Variants in QKI observed in about 807,000 individuals in gnomAD.
QKI encodes the protein QKI, KH domain containing RNA binding.
QKI carries 10 observed loss-of-function variants against 39.0 expected under a neutral mutation model. The ratio of observed to expected loss-of-function variants is 0.26; its 90% CI spans 0.16 to 0.43. QKI has a LOEUF of 0.43. Ranked by LOEUF, QKI falls within the 20% of genes least tolerant of loss-of-function variation. QKI has a pLI of 1.00. For synonymous variants in QKI, 204 were observed against 155.4 expected, an observed-to-expected ratio of 1.31 and a Z score of -2.33; for missense variants, 218 against 428.0, an observed-to-expected ratio of 0.51 and a Z score of 4.33.
At chr6:163,507,730 A>G (rs933700328) in intron 3 of QKI, among the ~76,000 whole-genome samples, 1 of 152,150 alleles carries the variant, frequency 6.6e-6, no homozygotes, top group African/African-American at 2.4e-5. Flanking sequence ...ACTACAAAAC[A>G]AAACGAAAAC....
At chr6:163,504,848 C>G (rs1160971326) in intron 3 of QKI, among the ~76,000 whole-genome samples, 2 of 151,998 alleles carry the variant, frequency 1.3e-5, no homozygotes, top group East Asian at 1.9e-4. Flanking sequence ...TTTCTTTTAC[C>G]TGGTTCATCT....
chr6:163,566,948 G>T, intron 7 of QKI, 153 bp downstream of exon 7: 1 of 1,399,618 alleles, frequency 7.1e-7, no homozygotes, highest in Non-Finnish European at 9.2e-7. Context: ...CAGATTTAAG[G>T]GTTGGGTTTT....
intron 2 of QKI, among the ~76,000 whole-genome samples, chr6:163,467,153 T>TCACA (rs763811466): frequency 7.3e-5 from 11 of 150,238 alleles, no homozygotes; most frequent in Admixed American, 1.3e-4. Flanking sequence ...GTGCTTAACA[T>TCACA]CACACACACA....
At chr6:163,534,909 GGTTA>G in intron 3 of QKI, 69 bp from the exon 4 acceptor site, 1 of 1,174,894 alleles carries the variant, frequency 8.5e-7, no homozygotes, top group Non-Finnish European at 1.2e-6. Context: ...ATTGACAACA[GGTTA>G]GTATTATGAA....
intron 4 of QKI, among the ~76,000 whole-genome samples, chr6:163,543,698 G>C (rs1781686835): frequency 6.6e-6 from 1 of 152,054 alleles, no homozygotes; most frequent in African/African-American, 2.4e-5. Flanking sequence ...ATAGAAGGCT[G>C]ATAGCTTCTT....
chr6:163,468,213 G>A (rs1452367351), intron 2 of QKI, among the ~76,000 whole-genome samples: 2 of 152,094 alleles, frequency 1.3e-5, no homozygotes, highest in African/African-American at 2.4e-5. Flanking sequence ...TGAAAGATTT[G>A]TAAGGCATCT....
chr6:163,418,089 C>T (rs1489748050), intron 1 of QKI, among the ~76,000 whole-genome samples: 1 of 149,530 alleles, frequency 6.7e-6, no homozygotes, highest in Non-Finnish European at 1.5e-5. Flanking sequence ...TCTGGTTAGG[C>T]ATTACTTTTT....
intron 1 of QKI, among the ~76,000 whole-genome samples, chr6:163,433,096 A>G (rs1005954290): frequency 6.6e-6 from 1 of 152,208 alleles, no homozygotes; most frequent in African/African-American, 2.4e-5. Flanking sequence ...AAAAGGCACA[A>G]GAGGCTTCTT....
chr6:163,424,389 A>T (rs1427961445), intron 1 of QKI, among the ~76,000 whole-genome samples: 6 of 152,216 alleles, frequency 3.9e-5, no homozygotes, highest in Admixed American at 6.5e-5. Flanking sequence ...TTTTGTGCAT[A>T]TGCTAATGAG....
In QKI at chr6:163,578,119, A is replaced by C. The variant is rs981327553; in HGVS notation, c.*7409A>C. On this transcript the variant is annotated 3_prime_UTR_variant, in exon 8 of 8. Coordinates refer to ENST00000361752, the MANE Select transcript of QKI (RefSeq NM_006775.3). ...AGCGCTTATTTTTACATGCTACACAACAGTTCCAATTTTAAGGAGTGTCTC... is the reference window on the plus strand; with the variant it reads ...AGCGCTTATTTTTACATGCTACACACCAGTTCCAATTTTAAGGAGTGTCTC... 5 of 152,180 alleles carry C rather than the reference A, an allele frequency of 3.3e-5. No homozygotes were observed. The highest frequency in any genetic ancestry group is 7.3e-5 in the Non-Finnish European group (5 of 68,038). The allele number at this position is 152,180 out of a possible 1,614,324, so 9.4% of individuals were successfully genotyped here. A position where few individuals can be genotyped will look rare whatever the true frequency, so the allele number is the denominator to read the frequency against.
intron 3 of QKI, among the ~76,000 whole-genome samples, chr6:163,484,990 A>G (rs1345785381): frequency 6.6e-6 from 1 of 152,188 alleles, no homozygotes; most frequent in Admixed American, 6.5e-5. Context: ...AAAAGGAGGT[A>G]TGCCTGTATT....
intron 2 of QKI, among the ~76,000 whole-genome samples, chr6:163,477,159 G>A (rs1181054969): frequency 6.6e-6 from 1 of 151,928 alleles, no homozygotes; most frequent in Non-Finnish European, 1.5e-5. Context: ...GGAATTACAA[G>A]CATGCACCAC....
At chr6:163,434,639 C>A (rs1212062416) in intron 1 of QKI, among the ~76,000 whole-genome samples, 3 of 151,686 alleles carry the variant, frequency 2.0e-5, no homozygotes, top group Admixed American at 2.0e-4. Context: ...GGTGTGAACC[C>A]AGGAGGCGGA....
chr6:163,570,701 CG>C lies in QKI; in HGVS notation c.1019del (p.Gly340AlafsTer5). On this transcript the variant is annotated frameshift_variant, in exon 8 of 8. Coordinates refer to ENST00000361752, the MANE Select transcript of QKI (RefSeq NM_006775.3). LOFTEE classifies it high-confidence loss of function. ...TTGTTTCTAACCACCCAGCCGCCACCGGCAACTAACCTATGACCTTCTGACC... is the reference window on the plus strand; with the variant it reads ...TTGTTTCTAACCACCCAGCCGCCACCGCAACTAACCTATGACCTTCTGACC... ...RIVTADRAATGN is the reference protein window; with the variant it reads ...RIVTADRAATXN 6.2e-7 allele frequency: 1 copy of C among 1,612,776 alleles called. No homozygotes were observed. Among genetic ancestry groups the C allele is most frequent in the East Asian group, 2.2e-5 (1 of 44,842 alleles).
At chr6:163,523,427 A>G (rs1780281310) in intron 3 of QKI, among the ~76,000 whole-genome samples, 1 of 152,176 alleles carries the variant, frequency 6.6e-6, no homozygotes, top group Non-Finnish European at 1.5e-5. Flanking sequence ...ACAATAATAA[A>G]TGTCTTTTAA....
chr6:163,504,073 G>A (rs1026369473), intron 3 of QKI, among the ~76,000 whole-genome samples: 1 of 152,032 alleles, frequency 6.6e-6, no homozygotes, highest in African/African-American at 2.4e-5. Context: ...AAATTTGTGG[G>A]TCTAATTTTA....
At chr6:163,424,766 G>T (rs1190312911) in intron 1 of QKI, among the ~76,000 whole-genome samples, 1 of 151,714 alleles carries the variant, frequency 6.6e-6, no homozygotes, top group Admixed American at 6.6e-5. Flanking sequence ...CGAGTAGCTG[G>T]GATTACAGGC....
chr6:163,507,250 A>G (rs1028578107), intron 3 of QKI, among the ~76,000 whole-genome samples: 2 of 152,176 alleles, frequency 1.3e-5, no homozygotes, highest in African/African-American at 2.4e-5. Context: ...TGATATTTCT[A>G]TGGAAGAATG....
At chr6:163,451,034 A>C (rs1379126061) in intron 1 of QKI, among the ~76,000 whole-genome samples, 2 of 152,222 alleles carry the variant, frequency 1.3e-5, no homozygotes, top group Non-Finnish European at 2.9e-5. Context: ...GAGACTATTC[A>C]TCCTTAAAGA....
Sources: allele counts gnomAD v4.1 joint callset (sites outside exome capture counted in the v4.1 genomes callset), GRCh38; gene constraint gnomAD v4.1.1; transcripts MANE v1.5; gene names NCBI Gene and HGNC (gene_info 2026-07-23, HGNC 2026-07-21).